The following SBNO1 variants were observed in gnomAD, a reference collection of about 807,000 sequenced individuals.
The protein encoded by SBNO1 is protein strawberry notch homolog 1.
Under a neutral mutation model 173.6 loss-of-function variants are expected in SBNO1, and 23 were observed. That is an observed-to-expected ratio of 0.13 (90% CI 0.10 to 0.19). The LOEUF is 0.19. SBNO1 is among the 10% of genes least tolerant of loss of function. SBNO1 has a pLI of 1.00. For synonymous variants in SBNO1, 632 were observed against 571.5 expected, an observed-to-expected ratio of 1.11 and a Z score of -1.51; for missense variants, 1,238 against 1,671.2, an observed-to-expected ratio of 0.74 and a Z score of 4.52.
chr12:123,297,935 G>C (rs376507815), intron 31 of SBNO1, 43 bp downstream of exon 31: 1 of 1,585,990 alleles, frequency 6.3e-7, no homozygotes, highest in South Asian at 1.1e-5. Context: ...AGTCGGATCC[G>C]ATTTTTTCCT....
intron 29 of SBNO1, among the ~76,000 whole-genome samples, chr12:123,303,922 C>CT (rs11413728): frequency 0.75 from 75,158 of 100,434 alleles, 30,398 homozygotes; most frequent in Non-Finnish European, 0.84. Context: ...AATAAGTATT[C>CT]TTTTTTTTTT....
At chr12:123,297,779 T>A (rs78314367) in intron 31 of SBNO1, among the ~76,000 whole-genome samples, 199 bp downstream of exon 31, 4,637 of 152,202 alleles carry the variant, frequency 0.03, 148 homozygotes, top group Middle Eastern at 0.085. Context: ...GACCACATCA[T>A]AACTTCAACC....
chr12:123,296,043 G>C lies in SBNO1; in HGVS notation c.4047C>G (p.Ile1349Met). Reference sequence around the variant, plus strand: ...GAGGAGACACACAATTTGCCGGAATGATCAAACCTGTAATTAGTAACAAGA... The same window carrying C: ...GAGGAGACACACAATTTGCCGGAATCATCAAACCTGTAATTAGTAACAAGA... ...TEDGQRIVGL[I>M]IPANCVSPLV... Residue 1349 changes from isoleucine (I) to methionine (M), a missense_variant, in exon 32 of 32, where the codon ATC (isoleucine) becomes ATG (methionine). By Grantham distance (10) the Ile-to-Met change is conservative (BLOSUM62 1). Coordinates refer to ENST00000602398, the MANE Select transcript of SBNO1 (RefSeq NM_001167856.3). 6.2e-7 allele frequency: 1 copy of C among 1,609,534 alleles called. No homozygotes were observed. Among genetic ancestry groups the C allele is most frequent in the Non-Finnish European group, 8.5e-7 (1 of 1,175,876 alleles).
chr12:123,320,416 A>G lies in SBNO1; in HGVS notation c.2667+16T>C. The G allele has an allele frequency of 6.2e-7, 1 of 1,602,892 alleles. No individual in the cohort carries two copies. The highest frequency in any genetic ancestry group is 8.5e-7 in the Non-Finnish European group (1 of 1,174,876). On this transcript the variant is annotated intron_variant, in intron 19 of 31. Transcript: ENST00000602398. ...CAAATGGCAAAAATGTCACCAAGAG[A>G]TACAGGCCTATTTACCTCAGCAACG... is the stretch of plus-strand genomic sequence containing the variant.
At chr12:123,363,384 T>C (rs1940899183) in intron 1 of SBNO1, among the ~76,000 whole-genome samples, 1 of 152,184 alleles carries the variant, frequency 6.6e-6, no homozygotes, top group South Asian at 2.1e-4. Flanking sequence ...CCCTCTGTAC[T>C]GTCAGCTCGC....
At position 123,328,034 on chromosome 12, in the gene SBNO1, G is replaced by C. The variant is rs371075500; in HGVS notation, c.1297-7C>G. On this transcript the variant is annotated splice_region_variant and splice_polypyrimidine_tract_variant and intron_variant, in intron 10 of 31. Transcript: ENST00000602398. ...GACACTCATCAAACACTATCTAAAT[G>C]GAATGAGTTAAGGAATGTATCACAT... The C allele has an allele frequency of 6.2e-7, 1 of 1,600,538 alleles. No homozygotes were observed. Among genetic ancestry groups the C allele is most frequent in the Non-Finnish European group, 8.5e-7 (1 of 1,171,508 alleles).
At chr12:123,364,074 C>T in intron 1 of SBNO1, 2 of 985,500 alleles carry the variant, frequency 2.0e-6, no homozygotes, top group Non-Finnish European at 2.4e-6. Flanking sequence ...GTGAGCTCGC[C>T]CGCCGAGGCA....
At chr12:123,337,727 T>C (rs1313943769) in intron 5 of SBNO1, among the ~76,000 whole-genome samples, 1 of 152,190 alleles carries the variant, frequency 6.6e-6, no homozygotes, top group Non-Finnish European at 1.5e-5. Flanking sequence ...TCTGCTGTTA[T>C]TTAATTGTGT....
At chr12:123,358,687 GAGCCA>G (rs1221844908) in intron 1 of SBNO1, among the ~76,000 whole-genome samples, 1 of 140,848 alleles carries the variant, frequency 7.1e-6, no homozygotes, top group Non-Finnish European at 1.5e-5. Context: ...AGCTTGCAGT[GAGCCA>G]AGATCGCGCC....
chr12:123,331,994 G>C (rs961458256), intron 7 of SBNO1, among the ~76,000 whole-genome samples: 2 of 151,482 alleles, frequency 1.3e-5, no homozygotes, highest in African/African-American at 4.9e-5. Context: ...TGGGATTACA[G>C]GTATGCACCA....
chr12:123,349,867 T>TG (rs1873674442), intron 2 of SBNO1, among the ~76,000 whole-genome samples: 1 of 151,862 alleles, frequency 6.6e-6, no homozygotes, highest in South Asian at 2.1e-4. Context: ...GAGCTGAGAT[T>TG]GCGCCACTGC....
intron 1 of SBNO1, among the ~76,000 whole-genome samples, chr12:123,353,487 G>A (rs1248394633): frequency 6.6e-6 from 1 of 151,978 alleles, no homozygotes; most frequent in Non-Finnish European, 1.5e-5. Flanking sequence ...ATTGGAGGGG[G>A]AATAAAGTAT....
chr12:123,350,534 A>C (rs1411149221), intron 1 of SBNO1, 93 bp from the exon 2 acceptor site: 1 of 998,092 alleles, frequency 1.0e-6, no homozygotes, highest in African/African-American at 1.6e-5. Context: ...AATCTCTATT[A>C]GACCCATTCA....
chr12:123,342,394 T>C (rs1441448168), intron 4 of SBNO1, among the ~76,000 whole-genome samples: 1 of 152,022 alleles, frequency 6.6e-6, no homozygotes, highest in East Asian at 1.9e-4. Context: ...GAGCCTGCAA[T>C]GAGCCGAGAT....
chr12:123,309,853 T>C lies in SBNO1; in HGVS notation c.3299A>G (p.Tyr1100Cys). The change falls in exon 26 of 32, where the codon TAT becomes TGT. Residue 1100 changes from tyrosine (Y) to cysteine (C), a missense_variant. Coordinates refer to ENST00000602398, the MANE Select transcript of SBNO1 (RefSeq NM_001167856.3). ...ATTTAAGAATTTTCCTATGTTGTTA[T>C]AATCTGTAATGACAAAAGATAAACG... is the stretch of plus-strand genomic sequence containing the variant. ...RSGILTLDKDYNNIGKFLNRI... is the reference protein window; with the variant it reads ...RSGILTLDKDCNNIGKFLNRI... 2 of 1,581,324 alleles carry C rather than the reference T, an allele frequency of 1.3e-6. No homozygotes were observed. The highest frequency in any genetic ancestry group is 1.7e-6 in the Non-Finnish European group (2 of 1,164,930).
chr12:123,335,910 AGT>A (rs1871785346), intron 6 of SBNO1, among the ~76,000 whole-genome samples: 1 of 152,238 alleles, frequency 6.6e-6, no homozygotes, highest in Non-Finnish European at 1.5e-5. Context: ...AGAGAATTGT[AGT>A]TCAATTCAAA....
chr12:123,328,975 G>A, intron 9 of SBNO1, 80 bp from the exon 10 acceptor site: 1 of 823,426 alleles, frequency 1.2e-6, no homozygotes, highest in South Asian at 2.3e-5. Flanking sequence ...ACATTCACAA[G>A]CAGGAACTCT....
chr12:123,303,454 T>C (rs1325684323), intron 29 of SBNO1, among the ~76,000 whole-genome samples: 3 of 152,080 alleles, frequency 2.0e-5, no homozygotes, highest in Non-Finnish European at 4.4e-5. Flanking sequence ...AAGACCAGCC[T>C]GGCTAACATG....
chr12:123,347,844 T>TTTA (rs1490724667), intron 3 of SBNO1, among the ~76,000 whole-genome samples, 185 bp downstream of exon 3: 1 of 152,090 alleles, frequency 6.6e-6, no homozygotes, highest in Non-Finnish European at 1.5e-5. Flanking sequence ...CCATTTCTTC[T>TTTA]TTTATAGAGA....
Sources: gnomAD v4.1 joint callset for allele counts (sites outside exome capture counted in the v4.1 genomes callset) on GRCh38, gnomAD v4.1.1 for gene constraint, MANE v1.5 for transcripts, NCBI Gene and HGNC (gene_info 2026-07-23, HGNC 2026-07-21) for gene names.